Variants in RABGAP1 observed in about 807,000 individuals in gnomAD.
The protein encoded by RABGAP1 is rab GTPase-activating protein 1.
A neutral mutation model predicts 137.6 loss-of-function variants in RABGAP1; 23 were observed. The observed-to-expected ratio is 0.17, with a 90% CI of 0.12 to 0.24. The LOEUF is 0.24. Ranked by LOEUF, RABGAP1 falls within the 10% of genes least tolerant of loss-of-function variation. RABGAP1 has a pLI of 1.00. For missense variants in RABGAP1, 906 were observed against 1,275.8 expected (o/e 0.71, Z 4.42); for synonymous variants, 451 against 450.7 (o/e 1.00, Z -0.01).
rs528556789 is a variant in RABGAP1, at chr9:123,064,038, GCTCTCA to G, written c.1795-1298_1795-1293del. Among the ~76,000 whole-genome samples the G allele has an allele frequency of 3.6e-3, 551 of 152,032 alleles. 4 individuals carry two copies. The highest frequency in any genetic ancestry group is 6.0e-3 in the Admixed American group (92 of 15,270). ...AATTTGTGTGCGTGCTCTCTCACTC[GCTCTCA>G]CTCTCACTCTCGCTCACTTCGCTCG... On this transcript the variant is annotated intron_variant, in intron 13 of 25. Coordinates refer to ENST00000373647, the MANE Select transcript of RABGAP1 (RefSeq NM_012197.4).
chr9:123,003,005 G>A (rs999322721), intron 10 of RABGAP1, among the ~76,000 whole-genome samples: 2 of 152,098 alleles, frequency 1.3e-5, no homozygotes, highest in East Asian at 1.9e-4. Context: ...GTGTTTGTGC[G>A]GGGATTTAGG....
chr9:123,087,077 G>A (rs747185857), intron 19 of RABGAP1, among the ~76,000 whole-genome samples: 15 of 152,112 alleles, frequency 9.9e-5, no homozygotes, highest in South Asian at 2.1e-4. Flanking sequence ...ATGTTGGTCC[G>A]TGTAAAAGTT....
At chr9:123,064,141 A>G (rs1195774024) in intron 13 of RABGAP1, among the ~76,000 whole-genome samples, 1 of 152,046 alleles carries the variant, frequency 6.6e-6, no homozygotes, top group Non-Finnish European at 1.5e-5. Flanking sequence ...GATACCTCCA[A>G]CGCGGAGCTC....
At chr9:123,005,820 A>T (rs1045789579) in intron 10 of RABGAP1, among the ~76,000 whole-genome samples, 1 of 152,224 alleles carries the variant, frequency 6.6e-6, no homozygotes, top group Non-Finnish European at 1.5e-5. Context: ...TACATATGCT[A>T]TTGTTATATT....
intron 23 of RABGAP1, 130 bp downstream of exon 23, chr9:123,098,928 C>A: frequency 1.7e-6 from 1 of 585,212 alleles, no homozygotes; most frequent in Non-Finnish European, 3.1e-6. Flanking sequence ...TCTGCCCCTG[C>A]ACTGACAAGT....
Position 123,015,540 on chromosome 9 carries a change from T to A in RABGAP1, c.1550-3T>A, listed in dbSNP as rs1291308403. On this transcript the variant is annotated splice_region_variant and splice_polypyrimidine_tract_variant and intron_variant, in intron 11 of 25. Transcript: ENST00000373647. ...CCGTTTTTGTGTGTTTTGTTTATTA[T>A]AGATAATGATGAACCTCTCCTGAGT... is the stretch of plus-strand genomic sequence containing the variant. 1 of 1,594,426 alleles carries A rather than the reference T, an allele frequency of 6.3e-7. No homozygotes were observed. Among genetic ancestry groups the A allele is most frequent in the East Asian group, 2.2e-5 (1 of 44,584 alleles).
chr9:122,973,438 G>A (rs1309217343), intron 2 of RABGAP1, among the ~76,000 whole-genome samples: 6 of 151,820 alleles, frequency 4.0e-5, no homozygotes, highest in Admixed American at 6.6e-5. Context: ...GGGTTTCACC[G>A]TGTTAGCCAG....
intron 2 of RABGAP1, among the ~76,000 whole-genome samples, chr9:122,981,900 C>G (rs1836079589): frequency 6.6e-6 from 1 of 151,974 alleles, no homozygotes; most frequent in South Asian, 2.1e-4. Context: ...AATACAAAAA[C>G]TAGCTGGGTG....
chr9:123,097,704 A>G (rs370011819), intron 21 of RABGAP1, 37 bp from the exon 22 acceptor site: 7 of 1,559,716 alleles, frequency 4.5e-6, no homozygotes, highest in African/African-American at 1.4e-5. Context: ...GCAGTTCCCA[A>G]TTCTTGTTTT....
At chr9:122,950,851 G>C (rs1364570141) in intron 1 of RABGAP1, among the ~76,000 whole-genome samples, 1 of 152,310 alleles carries the variant, frequency 6.6e-6, no homozygotes, top group East Asian at 1.9e-4. Flanking sequence ...AAAGAAGGAC[G>C]ATGATGTGAT....
At chr9:122,941,236 C>G (rs1014678604) in intron 1 of RABGAP1, 143 bp downstream of exon 1, 32 of 152,306 alleles carry the variant, frequency 2.1e-4, no homozygotes, top group Admixed American at 2.1e-3. Flanking sequence ...GCTCCCTCGA[C>G]GGGCCGAGTT....
intron 15 of RABGAP1, among the ~76,000 whole-genome samples, chr9:123,072,676 C>T (rs1038047910): frequency 6.6e-6 from 1 of 152,162 alleles, no homozygotes. Flanking sequence ...GGGCTTTTGC[C>T]CCAGATACTC....
chr9:123,103,278 A>G lies in RABGAP1; in HGVS notation c.*65A>G, dbSNP rs1386446312. Reference sequence around the variant, plus strand: ...ACCTTTTGTTGCCTTCTTTGGCCAGATGTGTGATTCTGTGACTTGTCCCAG... The same window carrying G: ...ACCTTTTGTTGCCTTCTTTGGCCAGGTGTGTGATTCTGTGACTTGTCCCAG... On this transcript the variant is annotated 3_prime_UTR_variant, in exon 26 of 26. Transcript: ENST00000373647. 1.3e-6 allele frequency: 2 copies of G among 1,595,906 alleles called. No individual in the cohort carries two copies. Among genetic ancestry groups the G allele is most frequent in the African/African-American group, 2.7e-5 (2 of 74,596 alleles).
rs922926950 is a variant in RABGAP1 at position 123,098,573 on chromosome 9, T to C, written c.2734-142T>C. ...GAACAGGGGATTAGTGCTGCCAAGA[T>C]TGAAGGAAGAAAGTAGCTGAATTAG... On this transcript the variant is annotated intron_variant, in intron 22 of 25. Coordinates refer to ENST00000373647, the MANE Select transcript of RABGAP1 (RefSeq NM_012197.4). The C allele has an allele frequency of 1.3e-5, 8 of 624,922 alleles. No homozygotes were observed. The Admixed American group carries it at 1.5e-4, about 12-fold the overall frequency. The allele number at this position is 624,922 out of a possible 1,614,324, so 38.7% of individuals were successfully genotyped here. A position where few individuals can be genotyped will look rare whatever the true frequency, so the allele number is the denominator to read the frequency against.
intron 4 of RABGAP1, among the ~76,000 whole-genome samples, chr9:122,987,166 A>G (rs1836416288): frequency 6.6e-6 from 1 of 152,160 alleles, no homozygotes; most frequent in South Asian, 2.1e-4. Context: ...AAAAGATGAG[A>G]AAACTGAGGC....
Position 123,015,597 on chromosome 9 carries a change from A to G in RABGAP1, c.1604A>G (p.Glu535Gly). Reference protein sequence around the residue: ...GSGDVSKECAEKILETWGELL... With the variant: ...GSGDVSKECAGKILETWGELL... ...GGTGATGTATCCAAAGAATGTGCAG[A>G]AAAAATTCTTGAAACATGGGGAGAA... The change falls in exon 12 of 26, where the codon GAA becomes GGA. Residue 535 changes from glutamate (E) to glycine (G), a missense_variant. Physicochemically the swap from Glu to Gly is moderately conservative, Grantham distance 98. This residue lies in a region of RABGAP1 where 212 missense variants were observed against 289.4 expected (regional missense o/e 0.73). Coordinates refer to ENST00000373647, the MANE Select transcript of RABGAP1 (RefSeq NM_012197.4). 1 of 1,612,978 alleles carries G rather than the reference A, an allele frequency of 6.2e-7. No individual in the cohort carries two copies. The highest frequency in any genetic ancestry group is 1.1e-5 in the South Asian group (1 of 91,002).
At chr9:123,062,518 A>G (rs970189279) in intron 13 of RABGAP1, 3 of 152,218 alleles carry the variant, frequency 2.0e-5, no homozygotes, top group Non-Finnish European at 2.9e-5. Context: ...GTTCTTCAGC[A>G]TATTTCCTTA....
At chr9:123,082,644 A>G (rs1448694349) in intron 19 of RABGAP1, among the ~76,000 whole-genome samples, 1 of 152,186 alleles carries the variant, frequency 6.6e-6, no homozygotes, top group Non-Finnish European at 1.5e-5. Flanking sequence ...GGACTTGGCC[A>G]TTTTGCCATA....
chr9:123,053,886 T>A (rs1319715926), intron 13 of RABGAP1, among the ~76,000 whole-genome samples: 1 of 152,188 alleles, frequency 6.6e-6, no homozygotes, highest in Non-Finnish European at 1.5e-5. Context: ...TCAACTTGAG[T>A]TTACAAAAGG....
Sources: gnomAD v4.1 joint callset for allele counts (sites outside exome capture counted in the v4.1 genomes callset) on GRCh38, gnomAD v4.1.1 for gene constraint, gnomAD v4.1.1 regional missense constraint, MANE v1.5 for transcripts, NCBI Gene and HGNC (gene_info 2026-07-23, HGNC 2026-07-21) for gene names.